ENOX1: variants seen among roughly 807,000 people sequenced by gnomAD.
ENOX1 encodes the protein ecto-NOX disulfide-thiol exchanger 1.
In ENOX1, 42 loss-of-function variants were observed where a neutral mutation model predicts 82.5. That is an observed-to-expected ratio of 0.51 (90% CI 0.40 to 0.66). ENOX1 has a LOEUF of 0.66. Among genes scored for constraint, ENOX1 ranks in the 30% least tolerant of loss-of-function variants. The pLI is 0.00. For synonymous variants in ENOX1, 271 were observed against 282.2 expected (o/e 0.96, Z 0.40); for missense variants, 608 against 811.6 (o/e 0.75, Z 3.05).
At position 43,468,228 on chromosome 13, in the gene ENOX1, C is replaced by G. The variant is rs180705373; in HGVS notation, c.-75+15781G>C. Reference sequence around the variant, plus strand: ...AGACAGAGTTTCACTCTGTCGCCAGCTGGAGTGCAGTGGTGTGATCTCGGC... The same window carrying G: ...AGACAGAGTTTCACTCTGTCGCCAGGTGGAGTGCAGTGGTGTGATCTCGGC... On this transcript the variant is annotated intron_variant, in intron 3 of 16. Coordinates refer to ENST00000690772, the MANE Select transcript of ENOX1 (RefSeq NM_001347969.2). 5.1e-3 allele frequency among the ~76,000 whole-genome samples: 780 copies of G among 151,892 alleles called. 11 individuals are homozygous for G. Among genetic ancestry groups the G allele is most frequent in the Non-Finnish European group, 5.5e-3 (377 of 67,954 alleles).
At chr13:43,766,734 A>G (rs144078110) in intron 1 of ENOX1, among the ~76,000 whole-genome samples, 3 of 152,346 alleles carry the variant, frequency 2.0e-5, no homozygotes, top group African/African-American at 7.2e-5. Flanking sequence ...GACACAGACA[A>G]GGTCAAGCTA....
intron 1 of ENOX1, among the ~76,000 whole-genome samples, chr13:43,763,899 A>G (rs1261841482): frequency 6.6e-6 from 1 of 152,126 alleles, no homozygotes; most frequent in Non-Finnish European, 1.5e-5. Context: ...CTAGAAAAAG[A>G]GTTACATGTA....
At chr13:43,316,112 C>T (rs1361932050) in intron 11 of ENOX1, among the ~76,000 whole-genome samples, 1 of 152,178 alleles carries the variant, frequency 6.6e-6, no homozygotes, top group East Asian at 1.9e-4. Flanking sequence ...CTCAAGCCCT[C>T]CACCAGGCTC....
chr13:43,337,441 G>A (rs1408980305), intron 9 of ENOX1, among the ~76,000 whole-genome samples: 2 of 152,148 alleles, frequency 1.3e-5, no homozygotes, highest in Non-Finnish European at 2.9e-5. Flanking sequence ...ATTAACAAGC[G>A]CTGCAGAAGG....
Position 43,543,052 on chromosome 13 carries a change from T to C in ENOX1, c.-218-58900A>G, listed in dbSNP as rs141206699. On this transcript the variant is annotated intron_variant, in intron 2 of 16. Coordinates refer to ENST00000690772, the MANE Select transcript of ENOX1 (RefSeq NM_001347969.2). ...GGGGTGAAGATATCAACTTATGAAT[T>C]TGCAGGGGACAAACTTTCAGTCTGT... is the stretch of plus-strand genomic sequence containing the variant. Among the ~76,000 whole-genome samples, 4 of 152,248 alleles carry C rather than the reference T, an allele frequency of 2.6e-5. No individual in the cohort carries two copies. In the East Asian group the frequency reaches 7.7e-4, roughly 29 times the overall value.
At chr13:43,521,357 A>G (rs1403602347) in intron 2 of ENOX1, among the ~76,000 whole-genome samples, 3 of 152,144 alleles carry the variant, frequency 2.0e-5, no homozygotes, top group Admixed American at 6.6e-5. Context: ...TGTGCAGGGT[A>G]CTATAGGCCC....
At chr13:43,595,659 T>C (rs981634474) in intron 2 of ENOX1, among the ~76,000 whole-genome samples, 2 of 152,204 alleles carry the variant, frequency 1.3e-5, no homozygotes, top group Non-Finnish European at 2.9e-5. Context: ...GGTATTTTCA[T>C]AGGAAAATAC....
intron 1 of ENOX1, among the ~76,000 whole-genome samples, chr13:43,701,196 G>A (rs2086889418): frequency 6.6e-6 from 1 of 152,102 alleles, no homozygotes; most frequent in Non-Finnish European, 1.5e-5. Flanking sequence ...TAAAAACACT[G>A]AAATTTCCTC....
At chr13:43,754,140 A>G (rs1279381541) in intron 1 of ENOX1, among the ~76,000 whole-genome samples, 1 of 144,972 alleles carries the variant, frequency 6.9e-6, no homozygotes, top group Non-Finnish European at 1.5e-5. Flanking sequence ...ATACGTATAT[A>G]CACATATATA....
At chr13:43,488,788 C>G (rs7329473) in intron 2 of ENOX1, among the ~76,000 whole-genome samples, 18 of 152,106 alleles carry the variant, frequency 1.2e-4, no homozygotes, top group African/African-American at 4.3e-4. Flanking sequence ...CTGTTGAGAT[C>G]TCAGATGGAC....
At chr13:43,247,842 TATATATATATATATATATATATATA>T (rs2043165016) in intron 14 of ENOX1, among the ~76,000 whole-genome samples, 2 of 1,510 alleles carry the variant, frequency 1.3e-3, no homozygotes, top group Non-Finnish European at 2.4e-3. Context: ...TATATATATA[TATATATATATATATATATATATATA>T]TATATATATA....
chr13:43,690,159 G>T (rs2086279573), intron 1 of ENOX1, among the ~76,000 whole-genome samples: 2 of 151,080 alleles, frequency 1.3e-5, no homozygotes, highest in East Asian at 2.0e-4. Context: ...TCTCTCTTTA[G>T]AATGTAAGGT....
At chr13:43,450,213 A>G (rs545614366) in intron 3 of ENOX1, among the ~76,000 whole-genome samples, 1 of 152,322 alleles carries the variant, frequency 6.6e-6, no homozygotes, top group East Asian at 1.9e-4. Context: ...TTGGCTTGTT[A>G]GCCGTCCCCT....
chr13:43,494,198 A>G (rs1260974762), intron 2 of ENOX1, among the ~76,000 whole-genome samples: 1 of 152,170 alleles, frequency 6.6e-6, no homozygotes, highest in Non-Finnish European at 1.5e-5. Flanking sequence ...TAGACCAGTC[A>G]CACTGACACC....
At position 43,376,236 on chromosome 13, in the gene ENOX1, T is replaced by C. The variant is rs533907604; in HGVS notation, c.209-14784A>G. On this transcript the variant is annotated intron_variant, in intron 5 of 16. Coordinates refer to ENST00000690772, the MANE Select transcript of ENOX1 (RefSeq NM_001347969.2). ...TTAACTTCCTTCTATCAGAGAGTGATGGGACAGAGACATGAGGGAAGTGAA... is the reference window on the plus strand; with the variant it reads ...TTAACTTCCTTCTATCAGAGAGTGACGGGACAGAGACATGAGGGAAGTGAA... 3.3e-5 allele frequency among the ~76,000 whole-genome samples: 5 copies of C among 152,350 alleles called. No individual in the cohort carries two copies. In the South Asian group the frequency reaches 6.2e-4, roughly 19 times the overall value.
At chr13:43,576,373 T>C (rs1048923185) in intron 2 of ENOX1, among the ~76,000 whole-genome samples, 1 of 152,194 alleles carries the variant, frequency 6.6e-6, no homozygotes, top group African/African-American at 2.4e-5. Context: ...TTCCCTATAG[T>C]ATAATCTTGT....
intron 11 of ENOX1, among the ~76,000 whole-genome samples, chr13:43,316,629 CA>C (rs3043979): frequency 0.42 from 62,956 of 149,640 alleles, 14,073 homozygotes; most frequent in East Asian, 0.61. Flanking sequence ...AAGCAATTTA[CA>C]AAAAAAAAAA....
In ENOX1 at chr13:43,767,821, G is replaced by A. The variant is rs550453103; in HGVS notation, c.-285+18831C>T. The stretch of plus-strand genomic sequence containing the variant: ...GGGCAGTGCATAGCAGCCGGCAGGA[G>A]CCTGAGGGGAGCAATACACTGGATG... On this transcript the variant is annotated intron_variant, in intron 1 of 16. Transcript: ENST00000690772. Among the ~76,000 whole-genome samples, 47 of 152,340 alleles carry A rather than the reference G, an allele frequency of 3.1e-4. 3 individuals are homozygous for A. The highest frequency in any genetic ancestry group is 1.1e-3 in the African/African-American group (45 of 41,588).
chr13:43,470,377 C>T lies in ENOX1; in HGVS notation c.-75+13632G>A, dbSNP rs74507311. 4.4e-3 allele frequency among the ~76,000 whole-genome samples: 119 copies of T among 27,022 alleles called. 14 individuals are homozygous for T. In the East Asian group the frequency reaches 0.074, roughly 17 times the overall value. The allele number at this position is 27,022 out of a possible 152,430, so 17.7% of individuals were successfully genotyped here. A position where few individuals can be genotyped will look rare whatever the true frequency, so the allele number is the denominator to read the frequency against. On this transcript the variant is annotated intron_variant, in intron 3 of 16. Coordinates refer to ENST00000690772, the MANE Select transcript of ENOX1 (RefSeq NM_001347969.2). ...ATGTATATATATACGTATATATATA[C>T]ATATATATACGTATATATATGTGTA...
Sources: gnomAD v4.1 joint callset for allele counts (sites outside exome capture counted in the v4.1 genomes callset) on GRCh38, gnomAD v4.1.1 for gene constraint, MANE v1.5 for transcripts, NCBI Gene and HGNC (gene_info 2026-07-23, HGNC 2026-07-21) for gene names.